The following ATP8B4 variants were observed in gnomAD, a reference collection of about 807,000 sequenced individuals.
ATP8B4 encodes probable phospholipid-transporting ATPase IM.
In ATP8B4, 133 loss-of-function variants were observed where a neutral mutation model predicts 145.6. The ratio of observed to expected loss-of-function variants is 0.91; its 90% CI spans 0.79 to 1.05. ATP8B4 has a LOEUF of 1.05. ATP8B4 is among the 50% of genes least tolerant of loss of function. The probability of loss-of-function intolerance (pLI) is 0.00; values close to 1 mark genes in which losing one functional copy is unlikely to be tolerated. For synonymous variants in ATP8B4, 507 were observed against 492.9 expected, an observed-to-expected ratio of 1.03 and a Z score of -0.38; for missense variants, 1,458 against 1,425.2, an observed-to-expected ratio of 1.02 and a Z score of -0.37.
Position 50,087,265 on chromosome 15 carries a change from G to T in ATP8B4, c.29-13080C>A, listed in dbSNP as rs1416851800. On this transcript the variant is annotated intron_variant, in intron 2 of 27. Transcript: ENST00000284509. ...AATAGAATAATATATAGATCTATAT[G>T]TATTATATATAATAGAATAATATAT... Among the ~76,000 whole-genome samples the T allele has an allele frequency of 4.8e-5, 6 of 126,270 alleles. No individual in the cohort carries two copies. The South Asian group carries it at 1.2e-3, about 24-fold the overall frequency. 82.8% of individuals were successfully genotyped at this position (126,270 alleles called of 152,430 possible). A position where few individuals can be genotyped will look rare whatever the true frequency, so the allele number is the denominator to read the frequency against.
chr15:50,098,775 A>G (rs1398840319), intron 2 of ATP8B4, among the ~76,000 whole-genome samples: 4 of 152,266 alleles, frequency 2.6e-5, no homozygotes, highest in African/African-American at 9.6e-5. Context: ...TATCTGATTC[A>G]GGGCTGACTT....
chr15:49,884,611 AAG>A (rs1158379657), intron 23 of ATP8B4, among the ~76,000 whole-genome samples: 2 of 126,918 alleles, frequency 1.6e-5, no homozygotes, highest in African/African-American at 5.8e-5. Context: ...TCCAAAAAAA[AAG>A]AAAAAAAAAA....
chr15:49,990,350 C>T (rs2046956357), intron 9 of ATP8B4, among the ~76,000 whole-genome samples: 1 of 152,148 alleles, frequency 6.6e-6, no homozygotes, highest in Admixed American at 6.6e-5. Context: ...TCATTTCTCA[C>T]ATAGTCATTT....
At chr15:50,179,402 A>G (rs1463322627) in intron 1 of ATP8B4, among the ~76,000 whole-genome samples, 1 of 152,196 alleles carries the variant, frequency 6.6e-6, no homozygotes, top group Non-Finnish European at 1.5e-5. Context: ...ACTCTAGGCC[A>G]GGTATGTTCT....
Position 49,899,562 on chromosome 15 carries a change from C to T in ATP8B4, c.2290-1311G>A, listed in dbSNP as rs1474693739. On this transcript the variant is annotated intron_variant, in intron 21 of 27. Coordinates refer to ENST00000284509, the MANE Select transcript of ATP8B4 (RefSeq NM_024837.4). The stretch of plus-strand genomic sequence containing the variant: ...ATTCCTAGGTGAAATTGTGAGTTGG[C>T]ATTTTCAAATATTACCACTCTTTCT... Among the ~76,000 whole-genome samples the T allele has an allele frequency of 2.0e-5, 3 of 152,082 alleles. No individual in the cohort carries two copies. The East Asian group carries it at 5.8e-4, about 29-fold the overall frequency.
intron 1 of ATP8B4, among the ~76,000 whole-genome samples, chr15:50,164,179 A>AT (rs1465251980): frequency 6.6e-6 from 1 of 151,696 alleles, no homozygotes; most frequent in Non-Finnish European, 1.5e-5. Context: ...TACTCATCAC[A>AT]TTTTTTCCCT....
In ATP8B4 at chr15:49,897,439, C is replaced by G. The variant is rs767835339; in HGVS notation, c.2550G>C (p.Gln850His). ...GGAGAAGCCTTTGGAGATATCTAAACTGTGCAAATGAATAGTCGCTGGCTA... is the reference window on the plus strand; with the variant it reads ...GGAGAAGCCTTTGGAGATATCTAAAGTGTGCAAATGAATAGTCGCTGGCTA... ...AVLASDYSFA[Q>H]FRYLQRLLLV... is the part of the protein sequence containing the mutation. The change falls in exon 23 of 28, where the codon CAG becomes CAC. Residue 850 changes from glutamine to histidine, a missense_variant. Coordinates refer to ENST00000284509, the MANE Select transcript of ATP8B4 (RefSeq NM_024837.4). 3 of 1,612,074 alleles carry G rather than the reference C, an allele frequency of 1.9e-6. No individual in the cohort carries two copies. The highest frequency in any genetic ancestry group is 2.2e-5 in the South Asian group (2 of 90,614).
intron 1 of ATP8B4, among the ~76,000 whole-genome samples, chr15:50,148,443 G>A (rs1311189798): frequency 1.3e-5 from 2 of 152,114 alleles, no homozygotes; most frequent in Non-Finnish European, 2.9e-5. Flanking sequence ...AAGAGGTGGG[G>A]CCTTTAAAAG....
intron 23 of ATP8B4, chr15:49,896,546 T>C (rs1041160357): frequency 6.6e-6 from 1 of 152,240 alleles, no homozygotes. Context: ...ATGGTTACCA[T>C]TTCCTTTTCA....
intron 2 of ATP8B4, among the ~76,000 whole-genome samples, chr15:50,098,193 C>T (rs562144152): frequency 2.5e-4 from 37 of 147,384 alleles, no homozygotes; most frequent in Non-Finnish European, 3.9e-4. Flanking sequence ...GTGTAAGCTG[C>T]CAAGAAAAAA....
chr15:49,979,313 A>G (rs544631890), intron 12 of ATP8B4, among the ~76,000 whole-genome samples: 3 of 152,272 alleles, frequency 2.0e-5, no homozygotes, highest in African/African-American at 7.2e-5. Context: ...TTTCTTACTC[A>G]AAATTAACCC....
chr15:50,083,112 C>A (rs1201400340), intron 2 of ATP8B4, among the ~76,000 whole-genome samples: 1 of 152,034 alleles, frequency 6.6e-6, no homozygotes, highest in Admixed American at 6.5e-5. Flanking sequence ...AATCACACAC[C>A]CCATCCCAAA....
At chr15:50,039,197 G>A (rs539431208) in intron 5 of ATP8B4, among the ~76,000 whole-genome samples, 1 of 152,342 alleles carries the variant, frequency 6.6e-6, no homozygotes, top group South Asian at 2.1e-4. Context: ...TCTCTCCCAT[G>A]TGTACTGAAT....
rs921186398 is a variant in ATP8B4 at position 49,861,402 on chromosome 15, A to G, written c.3297+843T>C. 2.8e-4 allele frequency among the ~76,000 whole-genome samples: 28 copies of G among 99,276 alleles called. 1 individual carries two copies. In the East Asian group the frequency reaches 6.6e-3, roughly 23 times the overall value. 65.1% of individuals were successfully genotyped at this position (99,276 alleles called of 152,430 possible). A position where few individuals can be genotyped will look rare whatever the true frequency, so the allele number is the denominator to read the frequency against. ...TCAGAGACATCATGATTAAAAAAAA[A>G]TGTGTGTGTGTGTGTGTGTGTGTCT... is the stretch of plus-strand genomic sequence containing the variant. On this transcript the variant is annotated intron_variant, in intron 27 of 27. Coordinates refer to ENST00000284509, the MANE Select transcript of ATP8B4 (RefSeq NM_024837.4).
At chr15:50,087,265 G>C (rs1416851800) in intron 2 of ATP8B4, among the ~76,000 whole-genome samples, 47 of 126,260 alleles carry the variant, frequency 3.7e-4, no homozygotes, top group African/African-American at 8.6e-4. Context: ...AGATCTATAT[G>C]TATTATATAT....
Position 49,866,500 on chromosome 15 carries a change from A to G in ATP8B4, c.3028-16T>C. 1.2e-6 allele frequency: 2 copies of G among 1,612,170 alleles called. No individual in the cohort carries two copies. The highest frequency in any genetic ancestry group is 1.7e-5 in the Admixed American group (1 of 59,970). On this transcript the variant is annotated splice_polypyrimidine_tract_variant and intron_variant, in intron 25 of 27. Coordinates refer to ENST00000284509, the MANE Select transcript of ATP8B4 (RefSeq NM_024837.4). ...CCAAGGCTATCTGTAAATAAAATCAAATGCAAACGGGAGGTCTTTGAGGAT... is the reference window on the plus strand; with the variant it reads ...CCAAGGCTATCTGTAAATAAAATCAGATGCAAACGGGAGGTCTTTGAGGAT...
chr15:50,161,887 T>G (rs897540246), intron 1 of ATP8B4, among the ~76,000 whole-genome samples: 1 of 152,218 alleles, frequency 6.6e-6, no homozygotes, highest in Non-Finnish European at 1.5e-5. Flanking sequence ...TAATCATTTT[T>G]TAATCTCATT....
At chr15:49,925,232 T>C (rs1449782227) in intron 16 of ATP8B4, among the ~76,000 whole-genome samples, 1 of 150,060 alleles carries the variant, frequency 6.7e-6, no homozygotes, top group Non-Finnish European at 1.5e-5. Flanking sequence ...AAATAACATT[T>C]CTATAAAAAA....
chr15:50,058,448 TACA>T (rs2052762772), intron 3 of ATP8B4, among the ~76,000 whole-genome samples: 1 of 152,154 alleles, frequency 6.6e-6, no homozygotes. Flanking sequence ...CCTCAGTGTT[TACA>T]ACAATAAGAA....
Sources: gnomAD v4.1 joint callset for allele counts (sites outside exome capture counted in the v4.1 genomes callset) on GRCh38, gnomAD v4.1.1 for gene constraint, MANE v1.5 for transcripts, NCBI Gene and HGNC (gene_info 2026-07-23, HGNC 2026-07-21) for gene names.